Variants in SCAF4 observed in about 807,000 individuals in gnomAD.
The protein encoded by SCAF4 is SR-related and CTD-associated factor 4.
SCAF4 carries 25 observed loss-of-function variants against 129.8 expected under a neutral mutation model. The ratio of observed to expected loss-of-function variants is 0.19; its 90% CI spans 0.14 to 0.27. SCAF4 has a LOEUF of 0.27. Ranked by LOEUF, SCAF4 falls within the 10% of genes least tolerant of loss-of-function variation. The pLI, the probability that SCAF4 is intolerant of heterozygous loss-of-function variation, is 1.00. For missense variants in SCAF4, 1,246 were observed against 1,457.1 expected (o/e 0.86, Z 2.36); for synonymous variants, 551 against 497.7 (o/e 1.11, Z -1.43).
At chr21:31,711,476 T>C (rs1023057052) in intron 1 of SCAF4, among the ~76,000 whole-genome samples, 11 of 152,204 alleles carry the variant, frequency 7.2e-5, no homozygotes, top group Admixed American at 6.5e-4. Context: ...ACTGTCCATT[T>C]GGACAGAAAT....
chr21:31,718,771 C>T (rs8134467), intron 1 of SCAF4, among the ~76,000 whole-genome samples: 3,530 of 152,256 alleles, frequency 0.023, 127 homozygotes, highest in African/African-American at 0.08. Flanking sequence ...GCAACAAAAC[C>T]GCACATAATA....
At chr21:31,696,357 A>G (rs1205544484) in intron 8 of SCAF4, 136 bp from the exon 9 acceptor site, 9 of 728,750 alleles carry the variant, frequency 1.2e-5, no homozygotes, top group Non-Finnish European at 1.9e-5. Flanking sequence ...TATTAAATTT[A>G]ATTTATAAAC....
intron 15 of SCAF4, 104 bp downstream of exon 15, chr21:31,690,693 A>C (rs907230013): frequency 9.6e-7 from 1 of 1,044,980 alleles, no homozygotes; most frequent in Non-Finnish European, 1.4e-6. Flanking sequence ...GATCCTAAAA[A>C]ATCTCAAAAA....
At position 31,701,630 on chromosome 21, in the gene SCAF4, A is replaced by C. The variant is rs78481815; in HGVS notation, c.600+146T>G. 9.2e-3 allele frequency: 7,199 copies of C among 781,756 alleles called. 373 individuals are homozygous for C. In the African/African-American group the frequency reaches 0.12, roughly 13 times the overall value. 48.4% of individuals were successfully genotyped at this position (781,756 alleles called of 1,614,324 possible). Reference sequence around the variant, plus strand: ...CTTCTACATTTTCCCTGTTCCTCCTACATTACTTCTCTTGTGAAGGCTTTT... The same window carrying C: ...CTTCTACATTTTCCCTGTTCCTCCTCCATTACTTCTCTTGTGAAGGCTTTT... On this transcript the variant is annotated intron_variant, in intron 6 of 19. Transcript: ENST00000286835.
chr21:31,683,040 T>G (rs2050032009), intron 19 of SCAF4, among the ~76,000 whole-genome samples: 2 of 152,242 alleles, frequency 1.3e-5, no homozygotes, highest in African/African-American at 4.8e-5. Context: ...AAAGTGCTTA[T>G]TTTAACAAAA....
At position 31,696,645 on chromosome 21, in the gene SCAF4, G is replaced by C. The variant is rs1384485626; in HGVS notation, c.883C>G (p.Pro295Ala). 1.2e-6 allele frequency: 2 copies of C among 1,614,028 alleles called. No individual in the cohort carries two copies. The highest frequency in any genetic ancestry group is 1.1e-5 in the South Asian group (1 of 91,074). ...GGCACGGTGGCGGTGGGTGCAGGGG[G>C]TACTGCGGCAGCAGGTGCTGTCGTG... ...VTTTAPAAAV[P>A]PAPTATVPAA... Residue 295 changes from proline to alanine, a missense_variant, in exon 8 of 20, where the codon CCC becomes GCC. By Grantham distance (27) the Pro-to-Ala change is conservative. This residue lies in a region of SCAF4 where 236 missense variants were observed against 210.0 expected (regional missense o/e 1.12). Transcript: ENST00000286835.
intron 3 of SCAF4, among the ~76,000 whole-genome samples, chr21:31,704,595 G>A (rs779576132): frequency 9.3e-5 from 14 of 151,086 alleles, no homozygotes; most frequent in African/African-American, 3.2e-4. Flanking sequence ...TGTAACAACC[G>A]CAGAGGAGTA....
chr21:31,702,453 G>A, intron 4 of SCAF4, 74 bp from the exon 5 acceptor site: 1 of 1,352,994 alleles, frequency 7.4e-7, no homozygotes, highest in Non-Finnish European at 1.0e-6. Flanking sequence ...ACAAAAAAAA[G>A]AGAGGAAAAC....
chr21:31,677,048 G>A (rs181293701), intron 19 of SCAF4, among the ~76,000 whole-genome samples: 4 of 152,060 alleles, frequency 2.6e-5, no homozygotes, highest in East Asian at 1.9e-4. Flanking sequence ...CTAATATTCC[G>A]TGATATGAAT....
At chr21:31,674,675 A>AT (rs2123461239) in intron 19 of SCAF4, among the ~76,000 whole-genome samples, 1 of 152,364 alleles carries the variant, frequency 6.6e-6, no homozygotes, top group South Asian at 2.1e-4. Flanking sequence ...GGCATTAGGC[A>AT]TAAACCATCA....
At chr21:31,731,111 G>C (rs1476484676) in intron 1 of SCAF4, among the ~76,000 whole-genome samples, 4 of 152,196 alleles carry the variant, frequency 2.6e-5, no homozygotes, top group African/African-American at 4.8e-5. Context: ...CCGGAGAAGG[G>C]GGATGAACAC....
Position 31,671,537 on chromosome 21 carries a change from A to G in SCAF4, c.3306T>C (p.Asn1102=). The change falls in exon 20 of 20, where the codon AAT becomes AAC. Residue 1102 remains asparagine, a synonymous_variant. Coordinates refer to ENST00000286835, the MANE Select transcript of SCAF4 (RefSeq NM_020706.2). ...TVEPPISQVG[N]VDTASELEKG... ...TCTCAAGTTCTGAAGCAGTGTCTAC[A>G]TTTCCCACTTGGCTAATGGGAGGTT... 1.9e-6 allele frequency: 3 copies of G among 1,614,128 alleles called. No individual in the cohort carries two copies. Among genetic ancestry groups the G allele is most frequent in the South Asian group, 1.1e-5 (1 of 91,076 alleles).
chr21:31,673,550 C>A (rs1261448809), intron 19 of SCAF4, among the ~76,000 whole-genome samples: 3 of 139,794 alleles, frequency 2.1e-5, no homozygotes, highest in Admixed American at 6.8e-5. Flanking sequence ...CCTTCACAGG[C>A]TCTTCAGACA....
intron 1 of SCAF4, among the ~76,000 whole-genome samples, chr21:31,723,456 A>AC (rs1555856057): frequency 3.2e-4 from 48 of 152,250 alleles, no homozygotes; most frequent in South Asian, 2.1e-4. Context: ...CCGTCTCAAA[A>AC]AAAACAAAAC....
chr21:31,702,456 A>G lies in SCAF4; in HGVS notation c.322-77T>C, dbSNP rs1415961629. The stretch of plus-strand genomic sequence containing the variant: ...GATTATACTCTTACAAAAAAAAGAG[A>G]GGAAAACTCCCTAGGCTAATATTTC... On this transcript the variant is annotated intron_variant, in intron 4 of 19. Transcript: ENST00000286835. The G allele has an allele frequency of 3.8e-6, 5 of 1,303,518 alleles. No individual in the cohort carries two copies. The African/African-American group carries it at 7.5e-5, about 19-fold the overall frequency. The allele number at this position is 1,303,518 out of a possible 1,614,324, so 80.7% of individuals were successfully genotyped here.
At chr21:31,673,176 CTGATA>C in intron 19 of SCAF4, among the ~76,000 whole-genome samples, 1 of 152,248 alleles carries the variant, frequency 6.6e-6, no homozygotes, top group African/African-American at 2.4e-5. Context: ...TTTGCTCATA[CTGATA>C]TAAGAGTCAC....
intron 19 of SCAF4, among the ~76,000 whole-genome samples, chr21:31,681,137 G>T (rs2049985180): frequency 6.6e-6 from 1 of 152,168 alleles, no homozygotes; most frequent in Non-Finnish European, 1.5e-5. Context: ...CAAGTAGGAA[G>T]TGATCTTACA....
At chr21:31,683,374 T>G (rs995005785) in intron 19 of SCAF4, among the ~76,000 whole-genome samples, 1 of 152,226 alleles carries the variant, frequency 6.6e-6, no homozygotes, top group Non-Finnish European at 1.5e-5. Flanking sequence ...ACATGTTGGA[T>G]GCAGAGGTTA....
chr21:31,712,953 T>C (rs979303533), intron 1 of SCAF4: 1 of 698,848 alleles, frequency 1.4e-6, no homozygotes, highest in African/African-American at 2.0e-5. Flanking sequence ...TCCTACCCCC[T>C]CTCACATACA....
Sources: allele counts gnomAD v4.1 joint callset (sites outside exome capture counted in the v4.1 genomes callset), GRCh38; gene constraint gnomAD v4.1.1; regional missense constraint gnomAD v4.1.1; transcripts MANE v1.5; gene names NCBI Gene and HGNC (gene_info 2026-07-23, HGNC 2026-07-21).